Variants in NRG2 observed in about 807,000 individuals in gnomAD.
NRG2 encodes the protein neuregulin 2, also known as pro-neuregulin-2, membrane-bound isoform.
Under a neutral mutation model 73.9 loss-of-function variants are expected in NRG2, and 27 were observed. That is an observed-to-expected ratio of 0.37 (90% confidence interval 0.27 to 0.50). The LOEUF is 0.50. Ranked by LOEUF, NRG2 falls within the 20% of genes least tolerant of loss-of-function variation. The pLI is 0.96. For missense variants in NRG2, 1,126 were observed against 1,210.1 expected (o/e 0.93, Z 1.03); for synonymous variants, 532 against 541.0 (o/e 0.98, Z 0.23).
At chr5:139,907,774 A>AG (rs1765327475) in intron 1 of NRG2, among the ~76,000 whole-genome samples, 1 of 152,204 alleles carries the variant, frequency 6.6e-6, no homozygotes, top group Non-Finnish European at 1.5e-5. Flanking sequence ...GATGGGGGTC[A>AG]GGTGAGAGAT....
rs762926051 is a variant in NRG2 at position 140,041,666 on chromosome 5, T to TAAAAA, written c.700+699_700+703dup. Among the ~76,000 whole-genome samples the TAAAAA allele has an allele frequency of 3.8e-3, 351 of 91,970 alleles. 11 individuals are homozygous for TAAAAA. The highest frequency in any genetic ancestry group is 0.012 in the African/African-American group (336 of 26,988). The allele number at this position is 91,970 out of a possible 152,430, so 60.3% of individuals were successfully genotyped here. On this transcript the variant is annotated intron_variant, in intron 1 of 9. Transcript: ENST00000361474. ...ACCTTGTAATTCCCCCAGAAACAGC[T>TAAAAA]AAAAAAAAAAAAAAAAAAAGGTGTC... is the stretch of plus-strand genomic sequence containing the variant.
intron 1 of NRG2, among the ~76,000 whole-genome samples, chr5:139,967,017 C>T (rs1367822330): frequency 6.6e-6 from 1 of 152,132 alleles, no homozygotes; most frequent in Non-Finnish European, 1.5e-5. Context: ...AACTTATTTG[C>T]CCCTTGCTCC....
In NRG2 at chr5:139,988,881, G is replaced by C. The variant is rs144366368; in HGVS notation, c.700+53489C>G. On this transcript the variant is annotated intron_variant, in intron 1 of 9. Coordinates refer to ENST00000361474, the MANE Select transcript of NRG2 (RefSeq NM_004883.3). ...TAATTGGGAGCCTGAACATGTATGA[G>C]GGCAGAGGCCATATGGGAAATCTCT... 7.2e-3 allele frequency among the ~76,000 whole-genome samples: 1,090 copies of C among 152,046 alleles called. 20 individuals are homozygous for C. The highest frequency in any genetic ancestry group is 0.015 in the Admixed American group (224 of 15,268).
chr5:139,906,287 T>A (rs1765221101), intron 1 of NRG2, among the ~76,000 whole-genome samples: 1 of 152,132 alleles, frequency 6.6e-6, no homozygotes. Context: ...ATTACAGGTG[T>A]GAGCCACCGC....
At chr5:139,883,733 C>T (rs1446579619) in intron 2 of NRG2, among the ~76,000 whole-genome samples, 2 of 152,138 alleles carry the variant, frequency 1.3e-5, no homozygotes, top group South Asian at 2.1e-4. Flanking sequence ...ACTCCGAGGG[C>T]GCCTTGGTCG....
chr5:139,896,126 G>T (rs947783437), intron 1 of NRG2, among the ~76,000 whole-genome samples: 2 of 145,850 alleles, frequency 1.4e-5, no homozygotes, highest in Non-Finnish European at 1.5e-5. Context: ...GAAAAGACTG[G>T]CTTCTCAAAC....
chr5:139,859,946 AG>A (rs1561631006), intron 5 of NRG2: 2 of 1,488,754 alleles, frequency 1.3e-6, no homozygotes, highest in Non-Finnish European at 1.9e-6. Flanking sequence ...TCACAAAGGG[AG>A]GGGTGGAGGG....
At chr5:139,858,002 C>T (rs1381283378) in intron 5 of NRG2, among the ~76,000 whole-genome samples, 2 of 152,338 alleles carry the variant, frequency 1.3e-5, no homozygotes, top group African/African-American at 4.8e-5. Flanking sequence ...CTCCTCCCCA[C>T]CCTGCCCCCA....
intron 1 of NRG2, among the ~76,000 whole-genome samples, chr5:140,041,180 C>T (rs1174485006): frequency 6.6e-6 from 1 of 152,220 alleles, no homozygotes; most frequent in Non-Finnish European, 1.5e-5. Flanking sequence ...GTTGGTAAAA[C>T]TGGTAAACAT....
chr5:139,958,462 G>C (rs1245343761), intron 1 of NRG2, among the ~76,000 whole-genome samples: 1 of 152,174 alleles, frequency 6.6e-6, no homozygotes, highest in African/African-American at 2.4e-5. Context: ...GAAGTCTTTG[G>C]AGTTGTTTGG....
intron 1 of NRG2, among the ~76,000 whole-genome samples, chr5:139,989,647 G>T (rs1452077666): frequency 1.3e-5 from 2 of 151,816 alleles, no homozygotes; most frequent in East Asian, 3.8e-4. Flanking sequence ...GCATGTTGTT[G>T]CATGTCACCA....
chr5:139,853,068 C>T lies in NRG2; in HGVS notation c.1293-41G>A, dbSNP rs1761569466. ...GAAGGTGAGGCTGGCATTCCCCCCACTCGCCAACGATGAACTTCCCTAGCT... is the reference window on the plus strand; with the variant it reads ...GAAGGTGAGGCTGGCATTCCCCCCATTCGCCAACGATGAACTTCCCTAGCT... On this transcript the variant is annotated intron_variant, in intron 6 of 9. Coordinates refer to ENST00000361474, the MANE Select transcript of NRG2 (RefSeq NM_004883.3). This position sits in a 1 kb window ranked among gnomAD's most constrained non-coding sequence, Gnocchi z 4.1. 1 of 1,610,184 alleles carries T rather than the reference C, an allele frequency of 6.2e-7. No homozygotes were observed. The highest frequency in any genetic ancestry group is 8.5e-7 in the Non-Finnish European group (1 of 1,178,614).
intron 1 of NRG2, among the ~76,000 whole-genome samples, chr5:139,936,943 A>G (rs940735371): frequency 1.3e-5 from 2 of 152,186 alleles, no homozygotes; most frequent in African/African-American, 4.8e-5. Context: ...CTGGGATTAC[A>G]GGTGTGCACC....
At chr5:139,860,246 G>A (rs1361011544) in intron 5 of NRG2, among the ~76,000 whole-genome samples, 1 of 152,180 alleles carries the variant, frequency 6.6e-6, no homozygotes, top group African/African-American at 2.4e-5. Flanking sequence ...TGGGAGGAAA[G>A]GTAAGTGGGG....
intron 1 of NRG2, among the ~76,000 whole-genome samples, chr5:139,984,940 C>G (rs953842142): frequency 1.3e-5 from 2 of 152,226 alleles, no homozygotes; most frequent in African/African-American, 4.8e-5. Flanking sequence ...GCATACCATA[C>G]TCATGCATAT....
chr5:140,039,963 C>T (rs1041345547), intron 1 of NRG2, among the ~76,000 whole-genome samples: 2 of 152,162 alleles, frequency 1.3e-5, no homozygotes, highest in Non-Finnish European at 2.9e-5. Flanking sequence ...TTAGTTATTT[C>T]CTGCTAAGCA....
Position 140,008,839 on chromosome 5 carries a change from G to A in NRG2, c.700+33531C>T, listed in dbSNP as rs1759129913. On this transcript the variant is annotated intron_variant, in intron 1 of 9. Coordinates refer to ENST00000361474, the MANE Select transcript of NRG2 (RefSeq NM_004883.3). The surrounding 1 kb of genome is among the most constrained non-coding windows in gnomAD (Gnocchi z 4.2). ...TCAGAAATCAGACAGGCATGTCTCT[G>A]CTACTTACTGTGTGGTCTTGAGCAA... is the stretch of plus-strand genomic sequence containing the variant. Among the ~76,000 whole-genome samples the A allele has an allele frequency of 6.6e-6, 1 of 152,172 alleles. No homozygotes were observed. Among genetic ancestry groups the A allele is most frequent in the South Asian group, 2.1e-4 (1 of 4,826 alleles).
chr5:139,933,757 T>C (rs1257146996), intron 1 of NRG2, among the ~76,000 whole-genome samples: 1 of 152,222 alleles, frequency 6.6e-6, no homozygotes, highest in African/African-American at 2.4e-5. Context: ...TTTACATTTA[T>C]AGCAAATTAT....
In NRG2 at chr5:139,848,330, C is replaced by A; in HGVS notation, c.2140G>T (p.Glu714Ter). 2 of 1,208,022 alleles carry A rather than the reference C, an allele frequency of 1.7e-6. No homozygotes were observed. The highest frequency in any genetic ancestry group is 2.1e-6 in the Non-Finnish European group (2 of 975,040). 74.8% of individuals were successfully genotyped at this position (1,208,022 alleles called of 1,614,324 possible). ...GGGGGCGCGCACTCCTGCGTGGTCT[C>A]GTACTCGTCGTCCTCGGGGATGCGG... ...PFRIPEDDEY[E>*]TTQECAPPPP... is the part of the protein sequence containing the mutation. Residue 714 changes from glutamate (E) to a stop codon, truncating the protein, a stop_gained, in exon 10 of 10, where the codon GAG becomes TAG. Coordinates refer to ENST00000361474, the MANE Select transcript of NRG2 (RefSeq NM_004883.3). LOFTEE classifies it high-confidence loss of function.
Sources: allele counts gnomAD v4.1 joint callset (sites outside exome capture counted in the v4.1 genomes callset), GRCh38; gene constraint gnomAD v4.1.1; non-coding constraint Gnocchi (gnomAD v3.1); transcripts MANE v1.5; gene names NCBI Gene and HGNC (gene_info 2026-07-23, HGNC 2026-07-21).